Variants in FOXP2 observed in about 807,000 individuals in gnomAD.
FOXP2 encodes forkhead box protein P2.
In FOXP2, 12 loss-of-function variants were observed where a neutral mutation model predicts 115.8. The observed-to-expected ratio is 0.10, with a 90% CI of 0.07 to 0.17. The LOEUF is 0.17. Ranked by LOEUF, FOXP2 falls within the 10% of genes least tolerant of loss-of-function variation. FOXP2 has a pLI of 1.00. For synonymous variants in FOXP2, 328 were observed against 297.7 expected (o/e 1.10, Z -1.05); for missense variants, 629 against 843.5 (o/e 0.75, Z 3.15).
chr7:114,123,936 T>C (rs769949174), intron 1 of FOXP2, among the ~76,000 whole-genome samples: 21 of 152,210 alleles, frequency 1.4e-4, no homozygotes, highest in Admixed American at 1.0e-3. Flanking sequence ...AAAAAACTTT[T>C]GACAACTTGA....
chr7:114,663,918 A>G (rs1228811975), intron 15 of FOXP2, among the ~76,000 whole-genome samples: 1 of 152,176 alleles, frequency 6.6e-6, no homozygotes, highest in Non-Finnish European at 1.5e-5. Context: ...GGCAAATGTC[A>G]GGACTTCTTT....
intron 2 of FOXP2, among the ~76,000 whole-genome samples, chr7:114,498,354 A>G (rs1797416838): frequency 6.6e-6 from 1 of 152,208 alleles, no homozygotes; most frequent in South Asian, 2.1e-4. Flanking sequence ...ATTTTAATAA[A>G]TATTTATTGA....
chr7:114,564,381 T>A (rs1433058877), intron 3 of FOXP2, among the ~76,000 whole-genome samples: 1 of 152,108 alleles, frequency 6.6e-6, no homozygotes, highest in Non-Finnish European at 1.5e-5. Context: ...TATGGGGGCT[T>A]TAAAACTTAG....
chr7:114,459,019 C>T (rs556646506), intron 2 of FOXP2, among the ~76,000 whole-genome samples: 23 of 152,184 alleles, frequency 1.5e-4, no homozygotes, highest in South Asian at 4.1e-4. Context: ...CTTCAACCTC[C>T]TAGCTGACTT....
intron 6 of FOXP2, among the ~76,000 whole-genome samples, chr7:114,637,412 AAGAG>A: frequency 6.6e-6 from 1 of 152,292 alleles, no homozygotes; most frequent in South Asian, 2.1e-4. Context: ...TCCTTGAAAT[AAGAG>A]AAACCGAATA....
chr7:114,339,341 A>T (rs900526083), intron 2 of FOXP2, among the ~76,000 whole-genome samples: 1 of 151,280 alleles, frequency 6.6e-6, no homozygotes, highest in Non-Finnish European at 1.5e-5. Flanking sequence ...AATGATTTAA[A>T]TGTTATTAAA....
chr7:114,138,393 C>CTTTT (rs34769199), intron 1 of FOXP2, among the ~76,000 whole-genome samples: 1 of 138,486 alleles, frequency 7.2e-6, no homozygotes, highest in Non-Finnish European at 1.5e-5. Context: ...TAAGCCTATT[C>CTTTT]TTTTTTTTTT....
At chr7:114,565,632 T>C (rs572893867) in intron 3 of FOXP2, among the ~76,000 whole-genome samples, 1 of 152,276 alleles carries the variant, frequency 6.6e-6, no homozygotes, top group South Asian at 2.1e-4. Flanking sequence ...AGCCTCAAAA[T>C]AAGTAAATAA....
rs371170121 is a variant in FOXP2, at chr7:114,343,059, G to T, written c.-11+54950G>T. 2.6e-5 allele frequency among the ~76,000 whole-genome samples: 4 copies of T among 151,614 alleles called. No homozygotes were observed. The East Asian group carries it at 5.8e-4, about 22-fold the overall frequency. ...CCTTATCCCTACACCATAATTTGGG[G>T]ATTAGCAAGTATTGTTTGTTTTTAA... On this transcript the variant is annotated intron_variant, in intron 2 of 17. Transcript: ENST00000634411.
chr7:114,680,752 A>G (rs1434676489), intron 16 of FOXP2, among the ~76,000 whole-genome samples: 1 of 152,232 alleles, frequency 6.6e-6, no homozygotes, highest in African/African-American at 2.4e-5. Context: ...TCTAAAAAAA[A>G]AAAAAAAAAG....
intron 1 of FOXP2, among the ~76,000 whole-genome samples, chr7:114,128,735 G>A (rs1791794526): frequency 6.6e-6 from 1 of 151,948 alleles, no homozygotes; most frequent in African/African-American, 2.4e-5. Flanking sequence ...CAAGGACAAC[G>A]ACTATGTAAA....
chr7:114,599,688 G>GT (rs1802919725), intron 3 of FOXP2, among the ~76,000 whole-genome samples: 1 of 152,010 alleles, frequency 6.6e-6, no homozygotes, highest in African/African-American at 2.4e-5. Context: ...CATCTTGCGT[G>GT]TATCTGTAGT....
intron 1 of FOXP2, among the ~76,000 whole-genome samples, chr7:114,225,557 G>C (rs901193797): frequency 6.6e-6 from 1 of 151,904 alleles, no homozygotes; most frequent in Non-Finnish European, 1.5e-5. Flanking sequence ...TAATTCTCCT[G>C]CCTCAGTCTC....
chr7:114,087,945 G>T (rs1007883278), intron 1 of FOXP2: 1 of 152,148 alleles, frequency 6.6e-6, no homozygotes, highest in Non-Finnish European at 1.5e-5. Context: ...GCCAGTGCGC[G>T]TTTTGCACAG....
At chr7:114,410,239 TGAGAGTTTTCAGGGCA>T (rs1387162171), upstream of FOXP2, among the ~76,000 whole-genome samples, 1 of 152,112 alleles carries the variant, frequency 6.6e-6, no homozygotes, top group Admixed American at 6.6e-5. Flanking sequence ...AGTACTTGAT[TGAGAGTTTTCAGGGCA>T]GAGACTAGAT....
chr7:114,239,248 A>G (rs188496576), intron 1 of FOXP2, among the ~76,000 whole-genome samples: 1 of 151,758 alleles, frequency 6.6e-6, no homozygotes, highest in African/African-American at 2.4e-5. Context: ...TTTTTTTGTC[A>G]TTCAGTAGTA....
At chr7:114,392,522 C>T (rs1028866812) in intron 2 of FOXP2, among the ~76,000 whole-genome samples, 13 of 152,138 alleles carry the variant, frequency 8.5e-5, no homozygotes, top group African/African-American at 2.9e-4. Flanking sequence ...GAAGCAGAAT[C>T]CTTGAGTGCT....
At chr7:114,168,514 A>G (rs1364086628) in intron 1 of FOXP2, among the ~76,000 whole-genome samples, 1 of 152,170 alleles carries the variant, frequency 6.6e-6, no homozygotes, top group Non-Finnish European at 1.5e-5. Context: ...TATCTAGCAG[A>G]AGAAATTTCT....
intron 2 of FOXP2, among the ~76,000 whole-genome samples, chr7:114,435,959 G>GA (rs1193081852): frequency 6.6e-6 from 1 of 152,134 alleles, no homozygotes; most frequent in African/African-American, 2.4e-5. Flanking sequence ...GGCCTAGGTA[G>GA]AGGCTGTGAA....
Sources: gnomAD v4.1 joint callset for allele counts (sites outside exome capture counted in the v4.1 genomes callset) on GRCh38, gnomAD v4.1.1 for gene constraint, MANE v1.5 for transcripts, NCBI Gene and HGNC (gene_info 2026-07-23, HGNC 2026-07-21) for gene names.